DLGAP1: variants seen among roughly 807,000 people sequenced by gnomAD.
DLGAP1 encodes disks large-associated protein 1.
DLGAP1 carries 11 observed loss-of-function variants against 90.8 expected under a neutral mutation model. The ratio of observed to expected loss-of-function variants is 0.12; its 90% confidence interval spans 0.08 to 0.20. The LOEUF (loss-of-function observed/expected upper bound fraction) is 0.20, where lower values mean the gene tolerates loss of function less well. Ranked by LOEUF, DLGAP1 falls within the 10% of genes least tolerant of loss-of-function variation. The pLI is 1.00. For synonymous variants in DLGAP1, 558 were observed against 540.7 expected (o/e 1.03, Z -0.44); for missense variants, 1,050 against 1,333.8 (o/e 0.79, Z 3.31).
At chr18:3,830,575 T>C (rs1205131481) in intron 4 of DLGAP1, among the ~76,000 whole-genome samples, 1 of 152,104 alleles carries the variant, frequency 6.6e-6, no homozygotes, top group Non-Finnish European at 1.5e-5. Context: ...CAAAAATAAA[T>C]AAATAAACAG....
rs540614992 is a variant in DLGAP1, at chr18:4,442,156, TA to T, written c.-267+12849del. Among the ~76,000 whole-genome samples the T allele has an allele frequency of 4.1e-4, 62 of 152,244 alleles. No homozygotes were observed. In the South Asian group the frequency reaches 5.2e-3, roughly 13 times the overall value. ...ACAGGCGCACGCCACCATGCCGGGA[TA>T]TTTTTTTATTATTATTATTTTTAGT... On this transcript the variant is annotated intron_variant, in intron 1 of 12. Transcript: ENST00000315677.
chr18:4,007,932 G>T (rs1289558520), intron 2 of DLGAP1, among the ~76,000 whole-genome samples: 1 of 151,832 alleles, frequency 6.6e-6, no homozygotes, highest in Non-Finnish European at 1.5e-5. Context: ...TCCCCTTTTT[G>T]CAGCTTCTTT....
intron 1 of DLGAP1, among the ~76,000 whole-genome samples, chr18:4,425,064 CG>C (rs1002394512): frequency 1.8e-5 from 2 of 108,874 alleles, no homozygotes; most frequent in African/African-American, 7.7e-5. Flanking sequence ...CTTGGTGGGG[CG>C]GGGGGCGGGG....
chr18:4,032,521 G>A (rs187655741), intron 2 of DLGAP1, among the ~76,000 whole-genome samples: 1 of 151,062 alleles, frequency 6.6e-6, no homozygotes, highest in East Asian at 1.9e-4. Flanking sequence ...AGGAAGACTG[G>A]CCTTATATCT....
At chr18:3,572,464 C>G (rs199583879) in intron 8 of DLGAP1, among the ~76,000 whole-genome samples, 1 of 51,822 alleles carries the variant, frequency 1.9e-5, no homozygotes, top group Admixed American at 2.0e-4. Flanking sequence ...TTGTTTGTTT[C>G]TGAGACAGAG....
At chr18:3,626,518 T>TG (rs746260865) in intron 7 of DLGAP1, among the ~76,000 whole-genome samples, 1 of 143,808 alleles carries the variant, frequency 7.0e-6, no homozygotes, top group Non-Finnish European at 1.5e-5. Context: ...CACTTGAATG[T>TG]GGGGGGTCAA....
chr18:4,062,632 C>T (rs4797139), intron 2 of DLGAP1, among the ~76,000 whole-genome samples: 65,603 of 151,574 alleles, frequency 0.43, 15,106 homozygotes, highest in African/African-American at 0.59. Flanking sequence ...TTATTTTTGC[C>T]GTGCTTCATG....
intron 3 of DLGAP1, among the ~76,000 whole-genome samples, chr18:3,894,548 A>G (rs1428694588): frequency 2.6e-5 from 4 of 152,070 alleles, no homozygotes; most frequent in African/African-American, 9.7e-5. Flanking sequence ...CCATTGATCT[A>G]TTTTTATGCT....
At chr18:3,625,322 T>C (rs1042472123) in intron 7 of DLGAP1, among the ~76,000 whole-genome samples, 1 of 152,118 alleles carries the variant, frequency 6.6e-6, no homozygotes, top group African/African-American at 2.4e-5. Context: ...CGTGAGAGGT[T>C]GTGTGTGTGT....
chr18:3,771,187 G>A (rs12454140), intron 5 of DLGAP1: 20,666 of 152,238 alleles, frequency 0.14, 1,511 homozygotes, highest in Middle Eastern at 0.18. Context: ...AGGGCAGCAA[G>A]GAGATTAGAC....
At chr18:4,242,220 C>T (rs1159576899) in intron 1 of DLGAP1, among the ~76,000 whole-genome samples, 3 of 152,034 alleles carry the variant, frequency 2.0e-5, no homozygotes, top group Admixed American at 1.3e-4. Context: ...TAGCTTTCTC[C>T]CCAGGCTTTT....
chr18:4,079,069 G>A (rs1253657360), intron 2 of DLGAP1, among the ~76,000 whole-genome samples: 2 of 152,124 alleles, frequency 1.3e-5, no homozygotes, highest in Non-Finnish European at 2.9e-5. Flanking sequence ...TCCAGCCCAC[G>A]CTGGTGGTGG....
rs2057181551 is a variant in DLGAP1, at chr18:3,603,614, G to T, written c.1592-21366C>A. 3 of 154,008 alleles carry T rather than the reference G, an allele frequency of 1.9e-5. No individual in the cohort carries two copies. The South Asian group carries it at 6.1e-4, about 31-fold the overall frequency. The allele number at this position is 154,008 out of a possible 1,614,324, so 9.5% of individuals were successfully genotyped here. A position where few individuals can be genotyped will look rare whatever the true frequency, so the allele number is the denominator to read the frequency against. On this transcript the variant is annotated intron_variant, in intron 7 of 12. Coordinates refer to ENST00000315677, the MANE Select transcript of DLGAP1 (RefSeq NM_004746.4). Reference sequence around the variant, plus strand: ...CTGAGTCATTGCTTTGCTAAGGAGGGAAGGAAGTTACAATCACACCAAGTG... The same window carrying T: ...CTGAGTCATTGCTTTGCTAAGGAGGTAAGGAAGTTACAATCACACCAAGTG...
chr18:3,610,557 A>G (rs1190414480), intron 7 of DLGAP1, among the ~76,000 whole-genome samples: 1 of 152,078 alleles, frequency 6.6e-6, no homozygotes, highest in Non-Finnish European at 1.5e-5. Context: ...CAACTCAGCC[A>G]GGGGCAGTAG....
At position 4,112,960 on chromosome 18, in the gene DLGAP1, T is replaced by C. The variant is rs147968035; in HGVS notation, c.-159+38220A>G. Among the ~76,000 whole-genome samples, 508 of 152,180 alleles carry C rather than the reference T, an allele frequency of 3.3e-3. 3 individuals are homozygous for C. Among genetic ancestry groups the C allele is most frequent in the African/African-American group, 0.011 (477 of 41,546 alleles). On this transcript the variant is annotated intron_variant, in intron 2 of 12. Transcript: ENST00000315677. ...GATTTTATTCTTTTTTTTATAGCTA[T>C]GTAGTATTCTGTGGTATGTATGTAC...
chr18:4,148,266 ATT>A (rs1376407871), intron 2 of DLGAP1, among the ~76,000 whole-genome samples: 1 of 152,224 alleles, frequency 6.6e-6, no homozygotes, highest in African/African-American at 2.4e-5. Context: ...CAGCCCTTAC[ATT>A]TCTACACAAT....
intron 9 of DLGAP1, among the ~76,000 whole-genome samples, chr18:3,551,575 C>A: frequency 6.6e-6 from 1 of 150,964 alleles, no homozygotes. Context: ...TCTATGAACA[C>A]TTTTCTTTTC....
chr18:4,116,965 C>T (rs1479974014), intron 2 of DLGAP1, among the ~76,000 whole-genome samples: 1 of 152,198 alleles, frequency 6.6e-6, no homozygotes, highest in Non-Finnish European at 1.5e-5. Context: ...AAGTCCTAAC[C>T]TCCAATATCT....
intron 1 of DLGAP1, among the ~76,000 whole-genome samples, chr18:4,333,594 A>C (rs2143756853): frequency 6.6e-6 from 1 of 150,568 alleles, no homozygotes; most frequent in East Asian, 1.9e-4. Flanking sequence ...CATGTATGAA[A>C]GGCGCTCAAG....
Sources: gnomAD v4.1 joint callset for allele counts (sites outside exome capture counted in the v4.1 genomes callset) on GRCh38, gnomAD v4.1.1 for gene constraint, MANE v1.5 for transcripts, NCBI Gene and HGNC (gene_info 2026-07-23, HGNC 2026-07-21) for gene names.